Variants in EPB41L1 observed in about 807,000 individuals in gnomAD.
The protein encoded by EPB41L1 is band 4.1-like protein 1.
Under a neutral mutation model 97.8 loss-of-function variants are expected in EPB41L1, and 29 were observed. The ratio of observed to expected loss-of-function variants is 0.30; its 90% CI spans 0.22 to 0.40. EPB41L1 has a LOEUF of 0.40. Ranked by LOEUF, EPB41L1 falls within the 10% of genes least tolerant of loss-of-function variation. EPB41L1 has a pLI of 1.00. For missense variants in EPB41L1, 812 were observed against 1,162.3 expected, an observed-to-expected ratio of 0.70 and a Z score of 4.38; for synonymous variants, 383 against 459.2, an observed-to-expected ratio of 0.83 and a Z score of 2.12.
intron 5 of EPB41L1, among the ~76,000 whole-genome samples, chr20:36,180,630 G>T (rs1336246481): frequency 6.6e-6 from 1 of 152,198 alleles, no homozygotes; most frequent in Non-Finnish European, 1.5e-5. Flanking sequence ...TGCTTCTTGT[G>T]TTGACTGTGC....
At chr20:36,114,463 CAA>C (rs2058521820) in intron 2 of EPB41L1, among the ~76,000 whole-genome samples, 2 of 152,248 alleles carry the variant, frequency 1.3e-5, no homozygotes, top group Admixed American at 1.3e-4. Context: ...GCCACATACA[CAA>C]GAGTAGTTAT....
At chr20:36,196,165 C>T (rs891259333) in intron 13 of EPB41L1, among the ~76,000 whole-genome samples, 3 of 152,192 alleles carry the variant, frequency 2.0e-5, no homozygotes, top group Admixed American at 6.5e-5. Flanking sequence ...AAGAGCCTTG[C>T]CTTGGAGTCC....
At chr20:36,164,383 C>CT (rs1437909664) in intron 1 of EPB41L1, among the ~76,000 whole-genome samples, 3 of 152,198 alleles carry the variant, frequency 2.0e-5, no homozygotes, top group East Asian at 3.8e-4. Context: ...AAACAAGAGA[C>CT]TTTTTTTCTG....
At chr20:36,103,704 CT>C (rs398038437) in intron 1 of EPB41L1, among the ~76,000 whole-genome samples, 2,493 of 135,686 alleles carry the variant, frequency 0.018, 34 homozygotes, top group African/African-American at 0.062. Context: ...CTTTTTCTTT[CT>C]TTTTTTTTTT....
intron 2 of EPB41L1, among the ~76,000 whole-genome samples, chr20:36,127,942 C>T (rs927785359): frequency 6.6e-5 from 10 of 152,128 alleles, no homozygotes; most frequent in Non-Finnish European, 1.3e-4. Context: ...ATCCTGCAAC[C>T]CCTCTTGTCC....
At position 36,206,039 on chromosome 20, in the gene EPB41L1, T is replaced by C. The variant is rs1444002112; in HGVS notation, c.1669-3449T>C. On this transcript the variant is annotated intron_variant, in intron 14 of 21. Coordinates refer to ENST00000338074, the MANE Select transcript of EPB41L1 (RefSeq NM_012156.2). The surrounding 1 kb of genome is among the most constrained non-coding windows in gnomAD (Gnocchi z 5.5). ...GTGGAAGTGGCCACAGAAGAAATGGTGGGAAACAGAAGAGCAAACACCCAG... is the reference window on the plus strand; with the variant it reads ...GTGGAAGTGGCCACAGAAGAAATGGCGGGAAACAGAAGAGCAAACACCCAG... 1.6e-6 allele frequency: 2 copies of C among 1,289,638 alleles called. No individual in the cohort carries two copies. The highest frequency in any genetic ancestry group is 3.0e-5 in the African/African-American group (2 of 65,820). The allele number at this position is 1,289,638 out of a possible 1,614,324, so 79.9% of individuals were successfully genotyped here.
intron 2 of EPB41L1, among the ~76,000 whole-genome samples, chr20:36,137,239 G>C (rs913743651): frequency 6.6e-6 from 1 of 151,010 alleles, no homozygotes; most frequent in African/African-American, 2.4e-5. Flanking sequence ...ATCACACCTG[G>C]CTAATTTTTT....
rs2062911227 is a variant in EPB41L1 at position 36,207,808 on chromosome 20, C to G, written c.1669-1680C>G. 7.8e-7 allele frequency: 1 copy of G among 1,274,750 alleles called. No homozygotes were observed. The highest frequency in any genetic ancestry group is 1.5e-5 in the African/African-American group (1 of 65,692). 79.0% of individuals were successfully genotyped at this position (1,274,750 alleles called of 1,614,324 possible). On this transcript the variant is annotated intron_variant, in intron 14 of 21. Coordinates refer to ENST00000338074, the MANE Select transcript of EPB41L1 (RefSeq NM_012156.2). This position sits in a 1 kb window ranked among gnomAD's most constrained non-coding sequence, Gnocchi z 4.9. ...AACTGGCCGCGTGAGCCCCCGCCCCCACCGCTGCTCCCCGCCCATGGGGGC... is the reference window on the plus strand; with the variant it reads ...AACTGGCCGCGTGAGCCCCCGCCCCGACCGCTGCTCCCCGCCCATGGGGGC...
intron 21 of EPB41L1, among the ~76,000 whole-genome samples, chr20:36,223,928 A>AT (rs1265543721): frequency 6.6e-6 from 1 of 152,192 alleles, no homozygotes; most frequent in Non-Finnish European, 1.5e-5. Flanking sequence ...CACAAATATA[A>AT]TTGCTGGTCT....
intron 15 of EPB41L1, among the ~76,000 whole-genome samples, chr20:36,211,498 C>T (rs1355373078): frequency 4.6e-5 from 7 of 152,200 alleles, no homozygotes. Flanking sequence ...AAACCCTCTT[C>T]ACTCATTGAC....
At position 36,219,764 on chromosome 20, in the gene EPB41L1, A is replaced by G; in HGVS notation, c.2359A>G (p.Ile787Val). 6.2e-7 allele frequency: 1 copy of G among 1,614,084 alleles called. No homozygotes were observed. The highest frequency in any genetic ancestry group is 8.5e-7 in the Non-Finnish European group (1 of 1,180,000). ...GGGGGGTGGTTATATTCTGCAGATC[A>G]TCGGGAAAGATGTCCTCACCAGCAC... ...ATEIRSLSPI[I>V]GKDVLTSTYG... Residue 787 changes from isoleucine to valine, a missense_variant, in exon 19 of 22, where the codon ATC becomes GTC. Ile to Val is a conservative substitution (Grantham distance 29, BLOSUM62 3). Coordinates refer to ENST00000338074, the MANE Select transcript of EPB41L1 (RefSeq NM_012156.2).
At chr20:36,153,163 G>T (rs1253714233), upstream of EPB41L1, 1 of 452,612 alleles carries the variant, frequency 2.2e-6, no homozygotes, top group East Asian at 7.0e-5. Context: ...TGTATCTTGA[G>T]TTCTCTAAAG....
At chr20:36,134,802 G>A (rs2059353252) in intron 2 of EPB41L1, among the ~76,000 whole-genome samples, 1 of 151,454 alleles carries the variant, frequency 6.6e-6, no homozygotes, top group African/African-American at 2.4e-5. Context: ...GGGAGTCTGT[G>A]AGGGTGCCTA....
At chr20:36,210,031 C>T (rs898039530) in intron 15 of EPB41L1, 133 bp downstream of exon 15, 12 of 1,071,668 alleles carry the variant, frequency 1.1e-5, no homozygotes, top group East Asian at 7.8e-5. Context: ...ACTGCCCCTC[C>T]GCAGAACAGC....
At chr20:36,108,864 C>T (rs2058289427) in intron 1 of EPB41L1, among the ~76,000 whole-genome samples, 1 of 152,010 alleles carries the variant, frequency 6.6e-6, no homozygotes, top group African/African-American at 2.4e-5. Context: ...AGATATTCCC[C>T]ACCTCACCCC....
In EPB41L1 at chr20:36,214,539, TG is replaced by T. The variant is rs1601022309; in HGVS notation, c.2268+100del. 19 of 966,658 alleles carry T rather than the reference TG, an allele frequency of 2.0e-5. No homozygotes were observed. The East Asian group carries it at 4.7e-4, about 24-fold the overall frequency. The allele number at this position is 966,658 out of a possible 1,614,324, so 59.9% of individuals were successfully genotyped here. A position where few individuals can be genotyped will look rare whatever the true frequency, so the allele number is the denominator to read the frequency against. ...ATCGCCTGGCTGCTTCAGGAAGTTGTGAGCTGCCCTCGCTGCATCAGGCATG... is the reference window on the plus strand; with the variant it reads ...ATCGCCTGGCTGCTTCAGGAAGTTGTAGCTGCCCTCGCTGCATCAGGCATG... On this transcript the variant is annotated intron_variant, in intron 17 of 21. Coordinates refer to ENST00000338074, the MANE Select transcript of EPB41L1 (RefSeq NM_012156.2).
At chr20:36,165,705 GAAGA>G (rs895957949) in intron 1 of EPB41L1, among the ~76,000 whole-genome samples, 4 of 152,094 alleles carry the variant, frequency 2.6e-5, no homozygotes, top group Non-Finnish European at 5.9e-5. Context: ...TCTCAAAAAA[GAAGA>G]AAGAAAGAGG....
chr20:36,223,785 A>G (rs961090521), intron 21 of EPB41L1, among the ~76,000 whole-genome samples: 2 of 152,136 alleles, frequency 1.3e-5, no homozygotes, highest in Non-Finnish European at 2.9e-5. Flanking sequence ...AAATGTCACT[A>G]TTTTCAACTG....
intron 1 of EPB41L1, chr20:36,155,716 G>C (rs1010981447): frequency 4.5e-6 from 2 of 443,300 alleles, no homozygotes; most frequent in Admixed American, 2.4e-5. Context: ...TCAGCTGCCA[G>C]CCATCGTCGT....
Sources: allele counts gnomAD v4.1 joint callset (sites outside exome capture counted in the v4.1 genomes callset), GRCh38; gene constraint gnomAD v4.1.1; non-coding constraint Gnocchi (gnomAD v3.1); transcripts MANE v1.5; gene names NCBI Gene and HGNC (gene_info 2026-07-23, HGNC 2026-07-21).